Variants in CLEC16A observed in about 807,000 individuals in gnomAD.
CLEC16A encodes C-type lectin domain containing 16A.
CLEC16A carries 51 observed loss-of-function variants against 109.5 expected under a neutral mutation model. The ratio of observed to expected loss-of-function variants is 0.47; its 90% CI spans 0.37 to 0.59. The LOEUF (loss-of-function observed/expected upper bound fraction) is 0.59. CLEC16A is among the 20% of genes least tolerant of loss of function. The pLI, the probability that CLEC16A is intolerant of heterozygous loss-of-function variation, is 0.00. For missense variants in CLEC16A, 1,339 were observed against 1,394.0 expected (o/e 0.96, Z 0.63); for synonymous variants, 673 against 564.2 (o/e 1.19, Z -2.73).
chr16:11,162,141 A>G (rs1315021509), intron 22 of CLEC16A, among the ~76,000 whole-genome samples: 1 of 152,224 alleles, frequency 6.6e-6, no homozygotes, highest in African/African-American at 2.4e-5. Flanking sequence ...AGCGTTATTC[A>G]TTAGTTCATC....
intron 11 of CLEC16A, among the ~76,000 whole-genome samples, chr16:11,013,959 G>A (rs1283203148): frequency 6.6e-6 from 1 of 151,964 alleles, no homozygotes; most frequent in Non-Finnish European, 1.5e-5. Context: ...AGAAGAAGAA[G>A]AAGAAGAAAT....
Position 11,060,920 on chromosome 16 carries a change from A to ATGCTGC in CLEC16A, c.2015_2020dup (p.Leu673_Arg674insLeuLeu). On this transcript the variant is annotated inframe_insertion, in exon 19 of 24. Transcript: ENST00000409790. ...GGTCCAGGCCATCCGGGTGTTCTTC[A>ATGCTGC]TGCTGCGTTCCCTGTCACTGCAATT... 1 of 1,611,794 alleles carries ATGCTGC rather than the reference A, an allele frequency of 6.2e-7. No homozygotes were observed.
chr16:11,142,457 G>A (rs551709416), intron 22 of CLEC16A, among the ~76,000 whole-genome samples: 6 of 152,366 alleles, frequency 3.9e-5, no homozygotes, highest in Admixed American at 6.5e-5. Flanking sequence ...TTCATGAGCC[G>A]AGTGGCATTT....
At chr16:10,956,671 T>C (rs1456401132) in intron 1 of CLEC16A, among the ~76,000 whole-genome samples, 1 of 152,198 alleles carries the variant, frequency 6.6e-6, no homozygotes, top group Non-Finnish European at 1.5e-5. Context: ...GGTGATTCTT[T>C]TGGTCTCCCC....
chr16:11,023,908 G>A (rs1237487359), intron 12 of CLEC16A, among the ~76,000 whole-genome samples: 1 of 152,218 alleles, frequency 6.6e-6, no homozygotes, highest in African/African-American at 2.4e-5. Flanking sequence ...CCAGACCTGT[G>A]CATATTCTAT....
chr16:11,172,526 C>T (rs1311206494), intron 23 of CLEC16A, among the ~76,000 whole-genome samples: 1 of 152,222 alleles, frequency 6.6e-6, no homozygotes, highest in Non-Finnish European at 1.5e-5. Flanking sequence ...GTGTGAATGT[C>T]AGCCTGCTTA....
chr16:11,132,103 C>G (rs2053246013), intron 22 of CLEC16A, among the ~76,000 whole-genome samples: 2 of 152,220 alleles, frequency 1.3e-5, no homozygotes, highest in South Asian at 4.1e-4. Context: ...AAACTAACCA[C>G]TTGAAAGTGA....
chr16:11,109,445 C>T (rs1448107920), intron 19 of CLEC16A, among the ~76,000 whole-genome samples: 3 of 152,182 alleles, frequency 2.0e-5, no homozygotes, highest in African/African-American at 7.2e-5. Flanking sequence ...TGAGCCACCT[C>T]ACTCAGCCCT....
At chr16:10,986,170 A>G (rs1037615453) in intron 10 of CLEC16A, among the ~76,000 whole-genome samples, 1 of 151,538 alleles carries the variant, frequency 6.6e-6, no homozygotes, top group Non-Finnish European at 1.5e-5. Flanking sequence ...AGCTGGGACT[A>G]CAGGCGCCTG....
intron 19 of CLEC16A, among the ~76,000 whole-genome samples, chr16:11,085,311 T>A (rs2049951229): frequency 6.6e-6 from 1 of 152,244 alleles, no homozygotes; most frequent in African/African-American, 2.4e-5. Flanking sequence ...GGCACATCTG[T>A]GGCTTATAAG....
rs186487421 is a variant in CLEC16A, at chr16:10,947,203, G to C, written c.80+2406G>C. Among the ~76,000 whole-genome samples, 24 of 152,316 alleles carry C rather than the reference G, an allele frequency of 1.6e-4. No individual in the cohort carries two copies. The South Asian group carries it at 1.9e-3, about 12-fold the overall frequency. ...AGAACCTGAGATTTGTGTATTGGTG[G>C]GGGGGTTAGAAGATCCCCCAGTGAC... On this transcript the variant is annotated intron_variant, in intron 1 of 23. Transcript: ENST00000409790.
At chr16:11,160,112 G>A (rs2054669728) in intron 22 of CLEC16A, among the ~76,000 whole-genome samples, 1 of 152,052 alleles carries the variant, frequency 6.6e-6, no homozygotes, top group South Asian at 2.1e-4. Context: ...ATCTTCCAAG[G>A]GTAGATTTTT....
chr16:11,030,967 A>C (rs947046580), intron 13 of CLEC16A, among the ~76,000 whole-genome samples: 5 of 152,146 alleles, frequency 3.3e-5, no homozygotes, highest in Non-Finnish European at 7.4e-5. Context: ...GATTTCCCCC[A>C]AGTCTGTGGC....
chr16:11,043,072 A>G (rs1052297028), intron 15 of CLEC16A, among the ~76,000 whole-genome samples: 3 of 130,218 alleles, frequency 2.3e-5, no homozygotes, highest in African/African-American at 1.2e-4. Context: ...ATGTTTGTGT[A>G]TATATATACA....
chr16:11,064,714 C>A (rs1272410387), intron 19 of CLEC16A, among the ~76,000 whole-genome samples: 1 of 152,130 alleles, frequency 6.6e-6, no homozygotes, highest in Non-Finnish European at 1.5e-5. Flanking sequence ...GAAGTTGAGG[C>A]TGCAGTGAAC....
chr16:11,055,792 T>C (rs2048184159), intron 18 of CLEC16A, among the ~76,000 whole-genome samples: 1 of 151,886 alleles, frequency 6.6e-6, no homozygotes. Context: ...CCCCAGTCTG[T>C]TGGCCAGGCT....
At chr16:11,177,817 T>G (rs1395113033) in intron 23 of CLEC16A, among the ~76,000 whole-genome samples, 1 of 151,530 alleles carries the variant, frequency 6.6e-6, no homozygotes, top group Non-Finnish European at 1.5e-5. Context: ...AGGTTTTGTT[T>G]TGGTTTTGCA....
intron 1 of CLEC16A, among the ~76,000 whole-genome samples, chr16:10,945,684 C>T (rs1412560945): frequency 1.3e-5 from 2 of 152,058 alleles, no homozygotes; most frequent in Non-Finnish European, 2.9e-5. Context: ...GGTGACTGAC[C>T]CAGTAGGTAC....
At chr16:11,164,981 A>G (rs2054853420) in intron 22 of CLEC16A, among the ~76,000 whole-genome samples, 1 of 152,052 alleles carries the variant, frequency 6.6e-6, no homozygotes, top group Non-Finnish European at 1.5e-5. Flanking sequence ...AGGCTGCAGG[A>G]GTGACCAAGA....
Sources: allele counts gnomAD v4.1 joint callset (sites outside exome capture counted in the v4.1 genomes callset), GRCh38; gene constraint gnomAD v4.1.1; transcripts MANE v1.5; gene names NCBI Gene and HGNC (gene_info 2026-07-23, HGNC 2026-07-21).